Variants in PCDHGA12 observed in about 807,000 individuals in gnomAD.
PCDHGA12 encodes protocadherin gamma subfamily A, 12, also known as protocadherin gamma-A12.
A neutral mutation model predicts 61.1 loss-of-function variants in PCDHGA12; 43 were observed. The observed-to-expected ratio is 0.70, with a 90% CI of 0.55 to 0.91. PCDHGA12 has a LOEUF of 0.91. PCDHGA12 is among the 40% of genes least tolerant of loss of function. PCDHGA12 has a pLI of 0.00. For missense variants in PCDHGA12, 1,236 were observed against 1,227.7 expected, an observed-to-expected ratio of 1.01 and a Z score of -0.10; for synonymous variants, 520 against 542.9, an observed-to-expected ratio of 0.96 and a Z score of 0.59.
At position 141,491,084 on chromosome 5, in the gene PCDHGA12, C is replaced by T; in HGVS notation, c.2425-3723C>T. On this transcript the variant is annotated intron_variant, in intron 1 of 3. Transcript: ENST00000252085. This position sits in a 1 kb window ranked among gnomAD's most constrained non-coding sequence, Gnocchi z 6.9. ...TACTCACTGTTGCCACAGTCCACAGCCCCAGGACTGTTCCTCGTGTCTACA... is the reference window on the plus strand; with the variant it reads ...TACTCACTGTTGCCACAGTCCACAGTCCCAGGACTGTTCCTCGTGTCTACA... The T allele has an allele frequency of 6.2e-7, 1 of 1,614,106 alleles. No homozygotes were observed. The highest frequency in any genetic ancestry group is 1.1e-5 in the South Asian group (1 of 91,082).
intron 2 of PCDHGA12, among the ~76,000 whole-genome samples, chr5:141,504,621 T>A (rs1185981312): frequency 7.9e-6 from 1 of 126,856 alleles, no homozygotes; most frequent in Non-Finnish European, 1.6e-5. Flanking sequence ...GATAGGAAAG[T>A]GCACCTTGGA....
chr5:141,440,960 A>C (rs1467379261), intron 1 of PCDHGA12: 2 of 152,248 alleles, frequency 1.3e-5, no homozygotes, highest in Non-Finnish European at 2.9e-5. Flanking sequence ...CAAGGCAGAG[A>C]TCACATATGG....
At chr5:141,500,167 A>C (rs976308963) in intron 2 of PCDHGA12, among the ~76,000 whole-genome samples, 1 of 150,656 alleles carries the variant, frequency 6.6e-6, no homozygotes, top group African/African-American at 2.4e-5. Context: ...AAGAACATGC[A>C]TGAGCTTCAT....
chr5:141,472,994 AAAAG>A (rs1425445230), intron 1 of PCDHGA12, among the ~76,000 whole-genome samples: 7 of 151,692 alleles, frequency 4.6e-5, no homozygotes, highest in African/African-American at 1.7e-4. Context: ...AAAAAAAAAA[AAAAG>A]AAAGAAAAAG....
intron 1 of PCDHGA12, among the ~76,000 whole-genome samples, chr5:141,474,420 T>C (rs1260451051): frequency 2.0e-5 from 3 of 152,226 alleles, no homozygotes; most frequent in Admixed American, 2.0e-4. Flanking sequence ...GCCTAGACCA[T>C]TGGTCCTCAC....
At chr5:141,480,221 T>C (rs2099514536) in intron 1 of PCDHGA12, among the ~76,000 whole-genome samples, 1 of 149,748 alleles carries the variant, frequency 6.7e-6, no homozygotes, top group Admixed American at 6.7e-5. Context: ...CTGAGCGACA[T>C]AGTGAGATCC....
intron 3 of PCDHGA12, among the ~76,000 whole-genome samples, chr5:141,506,146 T>C (rs1014881418): frequency 6.6e-6 from 1 of 152,086 alleles, no homozygotes; most frequent in African/African-American, 2.4e-5. Context: ...AAGAATATCA[T>C]TTGTCCTTAA....
rs979093310 is a variant in PCDHGA12 at position 141,486,621 on chromosome 5, A to G, written c.2425-8186A>G. On this transcript the variant is annotated intron_variant, in intron 1 of 3. Transcript: ENST00000252085. This position sits in a 1 kb window ranked among gnomAD's most constrained non-coding sequence, Gnocchi z 5.0. The stretch of plus-strand genomic sequence containing the variant: ...TGCTCCCTTGCAGCCTCTGACCCAG[A>G]CTCTGGCTTGAATGCGCTTATCTCC... 6.2e-7 allele frequency: 1 copy of G among 1,613,388 alleles called. No individual in the cohort carries two copies. The highest frequency in any genetic ancestry group is 1.3e-5 in the African/African-American group (1 of 74,960).
At chr5:141,498,231 A>T (rs1213697084) in intron 2 of PCDHGA12, among the ~76,000 whole-genome samples, 1 of 152,268 alleles carries the variant, frequency 6.6e-6, no homozygotes, top group East Asian at 1.9e-4. Flanking sequence ...ATGGTCAGGC[A>T]TACCAGCTTC....
intron 2 of PCDHGA12, among the ~76,000 whole-genome samples, chr5:141,503,458 G>A (rs948221006): frequency 2.0e-5 from 3 of 152,018 alleles, no homozygotes; most frequent in Non-Finnish European, 4.4e-5. Flanking sequence ...CGCTGGGCAT[G>A]GTGGCATGTG....
chr5:141,436,555 G>A (rs562422182), intron 1 of PCDHGA12, among the ~76,000 whole-genome samples: 1 of 152,252 alleles, frequency 6.6e-6, no homozygotes, highest in South Asian at 2.1e-4. Flanking sequence ...TTGAGCTTCA[G>A]CAAAGTAGGA....
At chr5:141,495,356 C>A (rs889897990) in intron 2 of PCDHGA12, among the ~76,000 whole-genome samples, 3 of 152,222 alleles carry the variant, frequency 2.0e-5, no homozygotes, top group Non-Finnish European at 4.4e-5. Flanking sequence ...GGCAGCACAG[C>A]TGGAGGTGGA....
At position 141,481,880 on chromosome 5, in the gene PCDHGA12, C is replaced by T. The variant is rs555652518; in HGVS notation, c.2425-12927C>T. Among the ~76,000 whole-genome samples, 5 of 145,406 alleles carry T rather than the reference C, an allele frequency of 3.4e-5. No individual in the cohort carries two copies. The East Asian group carries it at 1.0e-3, about 29-fold the overall frequency. On this transcript the variant is annotated intron_variant, in intron 1 of 3. Transcript: ENST00000252085. ...AGTGAGCCGAGATCGCGCCACTGCA[C>T]TCCAGCCTGGGTGAAAGAGCGAAAC...
At position 141,477,068 on chromosome 5, in the gene PCDHGA12, C is replaced by A; in HGVS notation, c.2425-17739C>A. 6.2e-7 allele frequency: 1 copy of A among 1,614,268 alleles called. No homozygotes were observed. The highest frequency in any genetic ancestry group is 8.5e-7 in the Non-Finnish European group (1 of 1,180,046). On this transcript the variant is annotated intron_variant, in intron 1 of 3. Transcript: ENST00000252085. This position sits in a 1 kb window ranked among gnomAD's most constrained non-coding sequence, Gnocchi z 4.9. ...GCTGGACTTCGAGGACACCAAACTCCATGAGATTTACATCCAGGCCAAAGA... is the reference window on the plus strand; with the variant it reads ...GCTGGACTTCGAGGACACCAAACTCAATGAGATTTACATCCAGGCCAAAGA...
At position 141,490,742 on chromosome 5, in the gene PCDHGA12, C is replaced by A. The variant is rs1281337347; in HGVS notation, c.2425-4065C>A. 1.2e-6 allele frequency: 2 copies of A among 1,614,062 alleles called. No homozygotes were observed. Among genetic ancestry groups the A allele is most frequent in the Non-Finnish European group, 1.7e-6 (2 of 1,180,022 alleles). On this transcript the variant is annotated intron_variant, in intron 1 of 3. Coordinates refer to ENST00000252085, the MANE Select transcript of PCDHGA12 (RefSeq NM_003735.3). This position sits in a 1 kb window ranked among gnomAD's most constrained non-coding sequence, Gnocchi z 5.4. ...ATTGTAGGAAATCAGGTTCAGGGAGCCCCAGCCTCCTCCTTTGTGTATGTC... is the reference window on the plus strand; with the variant it reads ...ATTGTAGGAAATCAGGTTCAGGGAGACCCAGCCTCCTCCTTTGTGTATGTC...
At chr5:141,455,160 G>T (rs6875366) in intron 1 of PCDHGA12, among the ~76,000 whole-genome samples, 16,301 of 149,190 alleles carry the variant, frequency 0.11, 1,328 homozygotes, top group African/African-American at 0.23. Context: ...TAGTTTGTTG[G>T]TTTTTTTTTT....
At chr5:141,447,275 G>C (rs2098532748) in intron 1 of PCDHGA12, among the ~76,000 whole-genome samples, 1 of 152,154 alleles carries the variant, frequency 6.6e-6, no homozygotes, top group African/African-American at 2.4e-5. Flanking sequence ...AAGTAGCTGG[G>C]ACTACAGGCA....
chr5:141,470,113 A>C (rs1209326739), intron 1 of PCDHGA12, among the ~76,000 whole-genome samples: 1 of 152,126 alleles, frequency 6.6e-6, no homozygotes, highest in Non-Finnish European at 1.5e-5. Context: ...TGAGCAACAG[A>C]GCAAGACTTC....
At chr5:141,459,302 A>T (rs1401348885) in intron 1 of PCDHGA12, among the ~76,000 whole-genome samples, 1 of 152,210 alleles carries the variant, frequency 6.6e-6, no homozygotes, top group African/African-American at 2.4e-5. Flanking sequence ...CCTATAACAT[A>T]TACTATTTTG....
Sources: allele counts gnomAD v4.1 joint callset (sites outside exome capture counted in the v4.1 genomes callset), GRCh38; gene constraint gnomAD v4.1.1; non-coding constraint Gnocchi (gnomAD v3.1); transcripts MANE v1.5; gene names NCBI Gene and HGNC (gene_info 2026-07-23, HGNC 2026-07-21).